The following ZNF180 variants were observed in gnomAD, a reference collection of about 807,000 sequenced individuals.
The protein encoded by ZNF180 is zinc finger protein 180 (HHZ168).
A neutral mutation model predicts 11.8 loss-of-function variants in ZNF180; 11 were observed. The ratio of observed to expected loss-of-function variants is 0.93; its 90% CI spans 0.59 to 1.55. ZNF180 has a LOEUF of 1.55. Among genes scored for constraint, ZNF180 ranks in the 40% most tolerant of loss-of-function variants. The pLI, the probability that ZNF180 is intolerant of heterozygous loss-of-function variation, is 0.00. For missense variants in ZNF180, 773 were observed against 781.7 expected (o/e 0.99, Z 0.13); for synonymous variants, 287 against 257.7 (o/e 1.11, Z -1.09).
intron 3 of ZNF180, 84 bp downstream of exon 3, chr19:44,484,277 C>T (rs751168979): frequency 6.0e-5 from 69 of 1,143,770 alleles, no homozygotes; most frequent in African/African-American, 1.2e-4. Flanking sequence ...GCAGCCACCG[C>T]GCCCGGCCTA....
intron 2 of ZNF180, among the ~76,000 whole-genome samples, chr19:44,492,423 C>T (rs1393832388): frequency 6.6e-6 from 1 of 152,200 alleles, no homozygotes; most frequent in East Asian, 1.9e-4. Flanking sequence ...CATAAAGGAG[C>T]ATTTCCCTTT....
chr19:44,486,911 T>G (rs1464842276), intron 2 of ZNF180, among the ~76,000 whole-genome samples: 1 of 152,048 alleles, frequency 6.6e-6, no homozygotes, highest in African/African-American at 2.4e-5. Context: ...TAGCTAGGTG[T>G]GGTATACCTG....
rs1278793180 is a variant in ZNF180, at chr19:44,489,045, C to T, written c.52-4610G>A. Among the ~76,000 whole-genome samples the T allele has an allele frequency of 2.7e-3, 406 of 150,630 alleles. 1 individual carries two copies. The highest frequency in any genetic ancestry group is 5.2e-3 in the Non-Finnish European group (347 of 67,372). ...GTCTCCGCCCGGCAGCCACCCCGTC[C>T]GGGAGGGAGGTGGGGGTCAGCCCCC... is the stretch of plus-strand genomic sequence containing the variant. On this transcript the variant is annotated intron_variant, in intron 2 of 4. Coordinates refer to ENST00000592529, the MANE Select transcript of ZNF180 (RefSeq NM_001278509.3).
intron 1 of ZNF180, 55 bp downstream of exon 1, chr19:44,500,220 A>G (rs1568440593): frequency 6.2e-7 from 1 of 1,614,122 alleles, no homozygotes. Context: ...CTTCCCGCGT[A>G]GACCCTGCGC....
intron 4 of ZNF180, among the ~76,000 whole-genome samples, chr19:44,478,735 G>T (rs570196384): frequency 2.5e-4 from 38 of 152,280 alleles, no homozygotes; most frequent in African/African-American, 8.9e-4. Context: ...TTTGCTCCTA[G>T]TAGCCTGGGT....
chr19:44,496,517 A>C (rs1278774405), intron 2 of ZNF180: 2 of 151,846 alleles, frequency 1.3e-5, no homozygotes, highest in Admixed American at 6.6e-5. Context: ...CACACACACA[A>C]AAAATATAAG....
chr19:44,486,559 C>T (rs1331133973), intron 2 of ZNF180, among the ~76,000 whole-genome samples: 4 of 152,168 alleles, frequency 2.6e-5, no homozygotes, highest in Admixed American at 2.6e-4. Flanking sequence ...GCAACTACTG[C>T]TAATTTTTGA....
At position 44,476,991 on chromosome 19, in the gene ZNF180, T is replaced by G. The variant is rs2123429892; in HGVS notation, c.1409A>C (p.Gln470Pro). ...ACTTTGACTAAAGGATTTCCCACAC[T>G]GATTGCATTCATAGGGTTTTTCCCC... ...HTGEKPYECN[Q>P]CGKSFSQSYK... Residue 470 changes from glutamine (Q) to proline (P), a missense_variant, in exon 5 of 5, where the codon CAG becomes CCG. By Grantham distance (76) the Gln-to-Pro change is moderately conservative. Transcript: ENST00000592529. 6.2e-7 allele frequency: 1 copy of G among 1,614,212 alleles called. No individual in the cohort carries two copies. The highest frequency in any genetic ancestry group is 2.2e-5 in the East Asian group (1 of 44,876).
chr19:44,482,437 A>G lies in ZNF180; in HGVS notation c.126+1924T>C, dbSNP rs989844077. ...CCCTCCTCCTCAGTCCTCAGAGGCT[A>G]AGAATGCTCATACTCTCCCATCCTA... On this transcript the variant is annotated intron_variant, in intron 3 of 4. Coordinates refer to ENST00000592529, the MANE Select transcript of ZNF180 (RefSeq NM_001278509.3). Among the ~76,000 whole-genome samples the G allele has an allele frequency of 1.8e-4, 28 of 152,142 alleles. 2 individuals carry two copies. Among genetic ancestry groups the G allele is most frequent in the Non-Finnish European group, 1.5e-5 (1 of 68,034 alleles).
At chr19:44,498,190 T>G (rs1970639791) in intron 1 of ZNF180, among the ~76,000 whole-genome samples, 1 of 152,012 alleles carries the variant, frequency 6.6e-6, no homozygotes, top group African/African-American at 2.4e-5. Context: ...GCTGGGGGCC[T>G]CCAACAGACA....
chr19:44,484,447 A>G lies in ZNF180; in HGVS notation c.52-12T>C, dbSNP rs1970170461. 6.2e-7 allele frequency: 1 copy of G among 1,606,606 alleles called. No individual in the cohort carries two copies. The highest frequency in any genetic ancestry group is 8.5e-7 in the Non-Finnish European group (1 of 1,173,132). ...GGAAGGAAAGAATCCTGAAAAGGCA[A>G]AACAGATGAGAAAAAGGAAAATAAT... On this transcript the variant is annotated splice_polypyrimidine_tract_variant and intron_variant, in intron 2 of 4. Coordinates refer to ENST00000592529, the MANE Select transcript of ZNF180 (RefSeq NM_001278509.3).
intron 3 of ZNF180, among the ~76,000 whole-genome samples, chr19:44,483,750 C>A (rs1970143282): frequency 2.6e-5 from 4 of 152,164 alleles, no homozygotes; most frequent in Admixed American, 2.6e-4. Flanking sequence ...GAATTAATTT[C>A]TCTGGTGCTA....
chr19:44,476,800 T>C lies in ZNF180; in HGVS notation c.1600A>G (p.Ser534Gly), dbSNP rs373984490. The C allele has an allele frequency of 6.2e-7, 1 of 1,614,170 alleles. No homozygotes were observed. Among genetic ancestry groups the C allele is most frequent in the Non-Finnish European group, 8.5e-7 (1 of 1,179,992 alleles). Residue 534 changes from serine to glycine, a missense_variant, in exon 5 of 5, where the codon AGT (serine) becomes GGT (glycine). By Grantham distance (56) the Ser-to-Gly change is moderately conservative. Transcript: ENST00000592529. ...CTCTGATGCATAACAAGGTGAGAAC[T>C]GCGGTTAAAAGATTTTCCACATTCA... ...CSECGKSFNR[S>G]SHLVMHQRIH...
In ZNF180 at chr19:44,495,302, G is replaced by C. The variant is rs1435178279; in HGVS notation, c.51+1982C>G. On this transcript the variant is annotated intron_variant, in intron 2 of 4. Transcript: ENST00000592529. The surrounding 1 kb of genome is among the most constrained non-coding windows in gnomAD (Gnocchi z 4.5). ...CACACTCGGCCACCCTCTGCCCAGG[G>C]GAGCTCCTCACCCTGCTTAGGCTTT... Among the ~76,000 whole-genome samples, 1 of 151,854 alleles carries C rather than the reference G, an allele frequency of 6.6e-6. No homozygotes were observed. The highest frequency in any genetic ancestry group is 1.5e-5 in the Non-Finnish European group (1 of 67,950).
At position 44,478,493 on chromosome 19, in the gene ZNF180, C is replaced by T. The variant is rs557023535; in HGVS notation, c.254-347G>A. On this transcript the variant is annotated intron_variant, in intron 4 of 4. Transcript: ENST00000592529. ...TTGCAATATGTATAGAGAGTCTTTT[C>T]CACTCTTTAGTGCTACACAGATGTT... 7.2e-5 allele frequency among the ~76,000 whole-genome samples: 11 copies of T among 152,288 alleles called. No individual in the cohort carries two copies. In the South Asian group the frequency reaches 2.3e-3, roughly 32 times the overall value.
chr19:44,476,661 C>T lies in ZNF180; in HGVS notation c.1739G>A (p.Cys580Tyr). The part of the protein sequence containing the change: ...RTHTGEKPYE[C>Y]SQCGKSFRQS... ...TCTGAAGGACTTCCCACATTGACTG[C>T]ATTCATAGGGCTTTTCTCCAGTATG... The change falls in exon 5 of 5, where the codon TGC becomes TAC. Residue 580 changes from cysteine (C) to tyrosine (Y), a missense_variant. Transcript: ENST00000592529. The T allele has an allele frequency of 6.2e-7, 1 of 1,614,164 alleles. No individual in the cohort carries two copies. Among genetic ancestry groups the T allele is most frequent in the Non-Finnish European group, 8.5e-7 (1 of 1,179,996 alleles).
At position 44,477,130 on chromosome 19, in the gene ZNF180, T is replaced by C. The variant is rs768580469; in HGVS notation, c.1270A>G (p.Lys424Glu). 8 of 1,613,170 alleles carry C rather than the reference T, an allele frequency of 5.0e-6. No individual in the cohort carries two copies. The highest frequency in any genetic ancestry group is 6.8e-6 in the Non-Finnish European group (8 of 1,179,222). ...TGTGTTCTTTGATGTGCAATAAGTTTATAGCTCTGCCTGAATGACTTTCCA... is the reference window on the plus strand; with the variant it reads ...TGTGTTCTTTGATGTGCAATAAGTTCATAGCTCTGCCTGAATGACTTTCCA... ...QCGKSFRQSY[K>E]LIAHQRTHTG... is the part of the protein sequence containing the mutation. The change falls in exon 5 of 5, where the codon AAA becomes GAA. Residue 424 changes from lysine (K) to glutamate (E), a missense_variant. Transcript: ENST00000592529.
intron 2 of ZNF180, among the ~76,000 whole-genome samples, chr19:44,487,579 C>T (rs2123469957): frequency 6.6e-6 from 1 of 152,314 alleles, no homozygotes; most frequent in East Asian, 1.9e-4. Context: ...GAATTGCCCA[C>T]CCCAGTCCTG....
chr19:44,481,025 G>A (rs556349936), intron 3 of ZNF180, among the ~76,000 whole-genome samples: 7 of 152,208 alleles, frequency 4.6e-5, no homozygotes, highest in East Asian at 1.9e-4. Flanking sequence ...TTTAGGAGAC[G>A]TTTGCTGTTA....
Sources: gnomAD v4.1 joint callset for allele counts (sites outside exome capture counted in the v4.1 genomes callset) on GRCh38, gnomAD v4.1.1 for gene constraint, Gnocchi (gnomAD v3.1) non-coding constraint, MANE v1.5 for transcripts, NCBI Gene and HGNC (gene_info 2026-07-23, HGNC 2026-07-21) for gene names.